EXOC4: variants seen among roughly 807,000 people sequenced by gnomAD.
EXOC4 encodes the protein exocyst complex component 4, also known as SEC8-like 1.
Under a neutral mutation model 107.2 loss-of-function variants are expected in EXOC4, and 71 were observed. The ratio of observed to expected loss-of-function variants is 0.66; its 90% CI spans 0.55 to 0.81. EXOC4 has a LOEUF of 0.81. EXOC4 is among the 30% of genes least tolerant of loss of function. EXOC4 has a pLI of 0.00. For missense variants in EXOC4, 1,108 were observed against 1,189.6 expected, an observed-to-expected ratio of 0.93 and a Z score of 1.01; for synonymous variants, 456 against 441.2, an observed-to-expected ratio of 1.03 and a Z score of -0.42.
intron 13 of EXOC4, among the ~76,000 whole-genome samples, chr7:133,919,687 T>G (rs1179635165): frequency 6.6e-6 from 1 of 152,226 alleles, no homozygotes; most frequent in Non-Finnish European, 1.5e-5. Context: ...CATTTAAGTT[T>G]CCTCCATGGT....
downstream of EXOC4, among the ~76,000 whole-genome samples, chr7:134,069,601 G>A (rs1157394953): frequency 1.3e-5 from 2 of 152,050 alleles, no homozygotes; most frequent in East Asian, 1.9e-4. Flanking sequence ...GGGTTCAAGC[G>A]ATTCTCACAC....
intron 9 of EXOC4, among the ~76,000 whole-genome samples, chr7:133,587,089 C>T (rs1801423481): frequency 6.6e-6 from 1 of 152,130 alleles, no homozygotes; most frequent in Non-Finnish European, 1.5e-5. Context: ...CTGCCTCGGC[C>T]TCCAGAAGTG....
intron 9 of EXOC4, among the ~76,000 whole-genome samples, chr7:133,560,047 C>G (rs1331367904): frequency 6.6e-6 from 1 of 152,140 alleles, no homozygotes; most frequent in Non-Finnish European, 1.5e-5. Flanking sequence ...CAGTTCAGTG[C>G]TGTGTCAATT....
intron 5 of EXOC4, among the ~76,000 whole-genome samples, chr7:133,346,500 G>A (rs904641745): frequency 2.6e-5 from 4 of 152,042 alleles, no homozygotes; most frequent in Admixed American, 2.6e-4. Flanking sequence ...TATGTTAAGA[G>A]TGTGAATTTA....
intron 10 of EXOC4, among the ~76,000 whole-genome samples, chr7:133,807,730 T>A (rs1441443240): frequency 1.3e-5 from 2 of 152,238 alleles, no homozygotes; most frequent in African/African-American, 4.8e-5. Context: ...CTTATTTATT[T>A]ATGCAATCTT....
intron 10 of EXOC4, among the ~76,000 whole-genome samples, chr7:133,733,778 C>T (rs1795380636): frequency 6.6e-6 from 1 of 152,064 alleles, no homozygotes; most frequent in African/African-American, 2.4e-5. Context: ...TTTCATTCTC[C>T]CTGAACTTTA....
intron 7 of EXOC4, among the ~76,000 whole-genome samples, chr7:133,448,660 C>T (rs751362342): frequency 2.6e-5 from 4 of 152,120 alleles, no homozygotes; most frequent in Non-Finnish European, 5.9e-5. Flanking sequence ...AGAGTTGTAT[C>T]ACCCCAAAAG....
intron 11 of EXOC4, among the ~76,000 whole-genome samples, chr7:133,845,839 A>T (rs1798115724): frequency 6.6e-6 from 1 of 152,210 alleles, no homozygotes; most frequent in Non-Finnish European, 1.5e-5. Flanking sequence ...CTGCAGTGGC[A>T]TTAGAGCACT....
chr7:133,756,768 A>G (rs1202295782), intron 10 of EXOC4, among the ~76,000 whole-genome samples: 1 of 152,256 alleles, frequency 6.6e-6, no homozygotes, highest in African/African-American at 2.4e-5. Context: ...ATATTATGCA[A>G]CCAAGAAAGT....
chr7:133,622,314 G>C (rs566162525), intron 9 of EXOC4, among the ~76,000 whole-genome samples: 1 of 152,110 alleles, frequency 6.6e-6, no homozygotes, highest in Non-Finnish European at 1.5e-5. Context: ...AGAATAGGTG[G>C]ATTTCTGTCA....
intron 10 of EXOC4, among the ~76,000 whole-genome samples, chr7:133,731,747 T>G (rs10954430): frequency 6.6e-6 from 1 of 152,096 alleles, no homozygotes; most frequent in Non-Finnish European, 1.5e-5. Context: ...TTCAGCCTCA[T>G]GTTCATGTTG....
the EXOC4 span, among the ~76,000 whole-genome samples, chr7:134,074,940 T>C: frequency 6.6e-6 from 1 of 151,846 alleles, no homozygotes; most frequent in Non-Finnish European, 1.5e-5. Flanking sequence ...GAAAAACAAG[T>C]GGAGCTAGAG....
intron 1 of EXOC4, among the ~76,000 whole-genome samples, chr7:133,259,626 T>TTTCAATTCAACA (rs1795097270): frequency 1.3e-5 from 2 of 152,274 alleles, no homozygotes; most frequent in East Asian, 3.9e-4. Flanking sequence ...AGTACTCTCA[T>TTTCAATTCAACA]GATAAATAAT....
chr7:133,714,555 A>G (rs1173102014), intron 10 of EXOC4, among the ~76,000 whole-genome samples: 2 of 152,196 alleles, frequency 1.3e-5, no homozygotes, highest in Non-Finnish European at 2.9e-5. Context: ...TTGGCCCCCC[A>G]TATTCCTGGG....
chr7:133,681,932 C>T (rs1039542142), intron 10 of EXOC4, among the ~76,000 whole-genome samples: 98 of 152,168 alleles, frequency 6.4e-4, no homozygotes, highest in African/African-American at 2.3e-3. Flanking sequence ...GAGACAGTAT[C>T]ACACTCTGTA....
At chr7:133,962,148 G>T (rs1333353092) in intron 14 of EXOC4, among the ~76,000 whole-genome samples, 1 of 152,174 alleles carries the variant, frequency 6.6e-6, no homozygotes, top group Admixed American at 6.6e-5. Flanking sequence ...TGCTGCCACA[G>T]CCAGATCTAG....
chr7:133,529,547 T>G (rs1800141601), intron 9 of EXOC4, among the ~76,000 whole-genome samples: 1 of 152,214 alleles, frequency 6.6e-6, no homozygotes, highest in Non-Finnish European at 1.5e-5. Context: ...TCTCATTTTG[T>G]AGATGGGGCC....
chr7:133,492,369 AGAG>A (rs943821335), intron 9 of EXOC4, among the ~76,000 whole-genome samples: 49 of 152,338 alleles, frequency 3.2e-4, no homozygotes, highest in African/African-American at 1.2e-3. Flanking sequence ...AAATATAAAA[AGAG>A]GAGTAGTTTT....
chr7:133,747,750 A>G (rs1329912025), intron 10 of EXOC4, among the ~76,000 whole-genome samples: 4 of 152,122 alleles, frequency 2.6e-5, no homozygotes, highest in African/African-American at 9.7e-5. Context: ...CCAACTGACC[A>G]TATAACCTGA....
Sources: gnomAD v4.1 joint callset for allele counts (sites outside exome capture counted in the v4.1 genomes callset) on GRCh38, gnomAD v4.1.1 for gene constraint, MANE v1.5 for transcripts, NCBI Gene and HGNC (gene_info 2026-07-23, HGNC 2026-07-21) for gene names.